IPCEF1: variants seen among roughly 807,000 people sequenced by gnomAD.
IPCEF1 encodes interactor protein for cytohesin exchange factors 1.
In IPCEF1, 31 loss-of-function variants were observed where a neutral mutation model predicts 50.9. The observed-to-expected ratio is 0.61, with a 90% CI of 0.46 to 0.82. IPCEF1 has a LOEUF of 0.82. Ranked by LOEUF, IPCEF1 falls within the 40% of genes least tolerant of loss-of-function variation. IPCEF1 has a pLI of 0.00. For synonymous variants in IPCEF1, 181 were observed against 192.0 expected (o/e 0.94, Z 0.47); for missense variants, 458 against 514.0 (o/e 0.89, Z 1.05).
intron 10 of IPCEF1, among the ~76,000 whole-genome samples, chr6:154,192,192 T>C (rs1185899156): frequency 6.6e-6 from 1 of 152,226 alleles, no homozygotes; most frequent in Non-Finnish European, 1.5e-5. Context: ...GACAAATTGC[T>C]TTCTAAATTG....
At chr6:154,329,943 G>C (rs149239927) in intron 1 of IPCEF1, 48 of 152,414 alleles carry the variant, frequency 3.1e-4, no homozygotes, top group African/African-American at 1.0e-3. Flanking sequence ...CCCCACTCTG[G>C]CCTCCGTGCT....
chr6:154,214,128 T>G, intron 8 of IPCEF1, 90 bp downstream of exon 8: 2 of 856,778 alleles, frequency 2.3e-6, no homozygotes, highest in Admixed American at 3.5e-5. Context: ...AGGATCAGAC[T>G]ATACATAGAA....
chr6:154,331,402 A>AGAAG (rs1783662989), intron 1 of IPCEF1, among the ~76,000 whole-genome samples: 1 of 137,098 alleles, frequency 7.3e-6, no homozygotes, highest in Non-Finnish European at 1.6e-5. Flanking sequence ...AAAGAAAGAA[A>AGAAG]GAAAGAGAGA....
In IPCEF1 at chr6:154,171,323, G is replaced by C. The variant is rs1020266648; in HGVS notation, c.911-3210C>G. 2.6e-5 allele frequency among the ~76,000 whole-genome samples: 4 copies of C among 152,124 alleles called. No individual in the cohort carries two copies. In the East Asian group the frequency reaches 7.7e-4, roughly 29 times the overall value. ...CAGTTGTCCACAATACTTCAACATG[G>C]GTGAACCTTGAAAACATTTTGCTAA... On this transcript the variant is annotated intron_variant, in intron 10 of 11. Transcript: ENST00000367220.
At chr6:154,355,372 A>G (rs1784198475) in intron 1 of IPCEF1, among the ~76,000 whole-genome samples, 1 of 152,256 alleles carries the variant, frequency 6.6e-6, no homozygotes, top group African/African-American at 2.4e-5. Flanking sequence ...ATTATAAGGT[A>G]AATTAAAGAA....
At chr6:154,323,011 T>C (rs1373580980) in intron 1 of IPCEF1, among the ~76,000 whole-genome samples, 1 of 152,200 alleles carries the variant, frequency 6.6e-6, no homozygotes, top group Admixed American at 6.5e-5. Flanking sequence ...TTAAATATTA[T>C]TGGAGAATTT....
chr6:154,247,128 CAT>C, intron 4 of IPCEF1: 1 of 422,490 alleles, frequency 2.4e-6, no homozygotes. Flanking sequence ...AGTGCAGTAA[CAT>C]AGCTCCTCTC....
chr6:154,329,240 T>G (rs74512977), intron 1 of IPCEF1, among the ~76,000 whole-genome samples: 3,221 of 152,178 alleles, frequency 0.021, 59 homozygotes, highest in Non-Finnish European at 0.032. Flanking sequence ...GGCAAGACCC[T>G]GTCTCTAAGA....
chr6:154,253,558 C>T (rs1263046387), intron 3 of IPCEF1, among the ~76,000 whole-genome samples: 3 of 152,156 alleles, frequency 2.0e-5, no homozygotes, highest in Non-Finnish European at 4.4e-5. Flanking sequence ...CAATGTTATG[C>T]TATCACAAAA....
chr6:154,323,582 T>A (rs1783445146), intron 1 of IPCEF1, among the ~76,000 whole-genome samples: 1 of 152,214 alleles, frequency 6.6e-6, no homozygotes, highest in Non-Finnish European at 1.5e-5. Flanking sequence ...TCTCAGGGTC[T>A]GCTTCTGGAG....
At chr6:154,259,606 C>G (rs577719144) in intron 3 of IPCEF1, among the ~76,000 whole-genome samples, 1 of 152,024 alleles carries the variant, frequency 6.6e-6, no homozygotes, top group African/African-American at 2.4e-5. Flanking sequence ...GAACCGAGAT[C>G]GCTCCATTGC....
chr6:154,160,602 A>G (rs1027161603), intron 11 of IPCEF1, among the ~76,000 whole-genome samples: 2 of 152,252 alleles, frequency 1.3e-5, no homozygotes, highest in African/African-American at 2.4e-5. Context: ...ATGTATTCCA[A>G]TAATGCTAAT....
At chr6:154,223,331 T>C in intron 5 of IPCEF1, 88 bp from the exon 6 acceptor site, 1 of 1,015,374 alleles carries the variant, frequency 9.8e-7, no homozygotes, top group Non-Finnish European at 1.5e-6. Context: ...ATAGGGATGG[T>C]ATAAATGACA....
intron 2 of IPCEF1, among the ~76,000 whole-genome samples, chr6:154,269,718 A>G (rs542248119): frequency 7.9e-5 from 12 of 152,348 alleles, no homozygotes. Context: ...GGGCAGAAGA[A>G]CCACCAAAAT....
At chr6:154,326,873 A>G (rs965235135) in intron 1 of IPCEF1, among the ~76,000 whole-genome samples, 1 of 152,218 alleles carries the variant, frequency 6.6e-6, no homozygotes, top group East Asian at 1.9e-4. Context: ...AGACACATAG[A>G]CCAATGGAAG....
At chr6:154,206,017 T>C (rs961378981) in intron 9 of IPCEF1, among the ~76,000 whole-genome samples, 7 of 152,268 alleles carry the variant, frequency 4.6e-5, no homozygotes, top group African/African-American at 1.4e-4. Context: ...AGGATTACCT[T>C]GGCTATCAAG....
chr6:154,187,222 T>TA (rs1331962126), intron 10 of IPCEF1, among the ~76,000 whole-genome samples: 2 of 151,804 alleles, frequency 1.3e-5, no homozygotes, highest in African/African-American at 4.9e-5. Context: ...ACTACCAATG[T>TA]AAAATCACAC....
chr6:154,184,195 C>G (rs904778562), intron 10 of IPCEF1, among the ~76,000 whole-genome samples: 1 of 151,402 alleles, frequency 6.6e-6, no homozygotes, highest in African/African-American at 2.4e-5. Context: ...AAAACTTTCT[C>G]TTAAAAAAAA....
intron 3 of IPCEF1, 127 bp from the exon 4 acceptor site, chr6:154,247,615 C>A: frequency 1.5e-6 from 1 of 676,126 alleles, no homozygotes; most frequent in South Asian, 2.0e-5. Context: ...ACTCTCCAGG[C>A]AGAGCTTAAC....
Sources: gnomAD v4.1 joint callset for allele counts (sites outside exome capture counted in the v4.1 genomes callset) on GRCh38, gnomAD v4.1.1 for gene constraint, MANE v1.5 for transcripts, NCBI Gene and HGNC (gene_info 2026-07-23, HGNC 2026-07-21) for gene names.